Variants in EVI5 observed in about 807,000 individuals in gnomAD.
EVI5 encodes the protein ecotropic viral integration site 5.
A neutral mutation model predicts 112.0 loss-of-function variants in EVI5; 73 were observed. The observed-to-expected ratio is 0.65, with a 90% CI of 0.54 to 0.79. EVI5 has a LOEUF of 0.79. Among genes scored for constraint, EVI5 ranks in the 30% least tolerant of loss-of-function variants. The probability of loss-of-function intolerance (pLI) is 0.00; values close to 1 mark genes in which losing one functional copy is unlikely to be tolerated. For missense variants in EVI5, 900 were observed against 968.8 expected, an observed-to-expected ratio of 0.93 and a Z score of 0.94; for synonymous variants, 305 against 319.9, an observed-to-expected ratio of 0.95 and a Z score of 0.50.
chr1:92,754,858 C>T (rs745968823), intron 1 of EVI5, among the ~76,000 whole-genome samples: 8 of 152,170 alleles, frequency 5.3e-5, no homozygotes, highest in Non-Finnish European at 5.9e-5. Context: ...AGACCACTGA[C>T]AGCCATCCTG....
At chr1:92,537,130 A>G (rs1184089180) in intron 19 of EVI5, among the ~76,000 whole-genome samples, 1 of 152,172 alleles carries the variant, frequency 6.6e-6, no homozygotes, top group Non-Finnish European at 1.5e-5. Context: ...AAAGTGGAAA[A>G]AAGTCATCCA....
intron 14 of EVI5, among the ~76,000 whole-genome samples, chr1:92,630,147 T>C (rs558529819): frequency 2.6e-4 from 39 of 152,344 alleles, no homozygotes; most frequent in African/African-American, 8.4e-4. Context: ...TGTGTCCTTA[T>C]AGCAGCATGA....
At chr1:92,753,815 T>C (rs77505969) in intron 1 of EVI5, among the ~76,000 whole-genome samples, 2,667 of 152,286 alleles carry the variant, frequency 0.018, 82 homozygotes, top group African/African-American at 0.06. Flanking sequence ...CCATAATCTA[T>C]AAAAACAATC....
chr1:92,717,936 C>T (rs541497625), intron 2 of EVI5, among the ~76,000 whole-genome samples: 1 of 151,574 alleles, frequency 6.6e-6, no homozygotes, highest in East Asian at 1.9e-4. Flanking sequence ...CAACAAAGAT[C>T]AAAAGAGACA....
chr1:92,586,606 CTGTG>C (rs61310991), intron 18 of EVI5, among the ~76,000 whole-genome samples: 8,438 of 72,642 alleles, frequency 0.12, 472 homozygotes, highest in African/African-American at 0.19. Flanking sequence ...TTTTTTTTGG[CTGTG>C]TGTGTGTGTG....
At chr1:92,751,827 C>G (rs1032650656) in intron 1 of EVI5, among the ~76,000 whole-genome samples, 1 of 152,024 alleles carries the variant, frequency 6.6e-6, no homozygotes, top group Non-Finnish European at 1.5e-5. Context: ...GCCTAGGCAA[C>G]ATGGTGAAAC....
intron 1 of EVI5, among the ~76,000 whole-genome samples, chr1:92,765,275 G>T (rs1420595873): frequency 1.6e-5 from 2 of 122,062 alleles, no homozygotes; most frequent in African/African-American, 6.3e-5. Context: ...GGCTGGTCTT[G>T]AACTCCTAGG....
intron 2 of EVI5, among the ~76,000 whole-genome samples, chr1:92,721,847 A>G (rs1674803267): frequency 1.3e-5 from 2 of 152,200 alleles, no homozygotes; most frequent in Admixed American, 1.3e-4. Context: ...TTAGTTGCAC[A>G]GTAATTACTG....
intron 19 of EVI5, among the ~76,000 whole-genome samples, chr1:92,533,860 A>C (rs185800186): frequency 3.8e-4 from 58 of 152,352 alleles, no homozygotes; most frequent in African/African-American, 1.3e-3. Context: ...TTCCCTTTGA[A>C]AACTGGCACA....
intron 2 of EVI5, among the ~76,000 whole-genome samples, 170 bp from the exon 3 acceptor site, chr1:92,704,914 TA>T (rs1195125994): frequency 3.3e-5 from 5 of 152,158 alleles, no homozygotes; most frequent in Non-Finnish European, 7.4e-5. Flanking sequence ...ATTACTGCTA[TA>T]TTTTTTTCAC....
chr1:92,743,875 T>C (rs1333235619), intron 1 of EVI5, among the ~76,000 whole-genome samples: 1 of 152,188 alleles, frequency 6.6e-6, no homozygotes, highest in South Asian at 2.1e-4. Context: ...ATTTTTATTA[T>C]TTATTTTATT....
intron 19 of EVI5, among the ~76,000 whole-genome samples, chr1:92,524,872 C>A (rs1571309818): frequency 6.7e-6 from 1 of 148,736 alleles, no homozygotes. Context: ...GTGTTCCAGG[C>A]TGGAGTGCAG....
chr1:92,625,800 G>A lies in EVI5; in HGVS notation c.1662C>T (p.His554=). The change falls in exon 15 of 20, where the codon CAC becomes CAT. Residue 554 remains histidine (H), a synonymous_variant. Coordinates refer to ENST00000684568, the MANE Select transcript of EVI5 (RefSeq NM_001350197.2). The stretch of plus-strand genomic sequence containing the variant: ...ACAAAATATATTAATATACCTGCCA[G>A]TGTTCCTCTAAATCCTTGACTTGCT... ...LRQQVKDLEE[H]WQRHLARTTG... is the part of the protein sequence containing the mutation. 1 of 1,611,712 alleles carries A rather than the reference G, an allele frequency of 6.2e-7. No individual in the cohort carries two copies. The highest frequency in any genetic ancestry group is 1.1e-5 in the South Asian group (1 of 90,774).
chr1:92,630,569 C>A (rs1348331874), intron 14 of EVI5, among the ~76,000 whole-genome samples: 1 of 148,214 alleles, frequency 6.7e-6, no homozygotes, highest in African/African-American at 2.4e-5. Flanking sequence ...TGGATATTAG[C>A]CCTTCGTCAG....
intron 19 of EVI5, among the ~76,000 whole-genome samples, chr1:92,533,975 A>G (rs1663354731): frequency 6.6e-6 from 1 of 152,226 alleles, no homozygotes; most frequent in Admixed American, 6.5e-5. Flanking sequence ...AATTAGTCAG[A>G]GAAGAAGTAA....
intron 19 of EVI5, among the ~76,000 whole-genome samples, chr1:92,516,051 G>A (rs1484739961): frequency 6.6e-6 from 1 of 152,094 alleles, no homozygotes; most frequent in Admixed American, 6.6e-5. Flanking sequence ...CACCACAAAG[G>A]CCTCCTCAAG....
intron 1 of EVI5, chr1:92,784,292 T>C (rs1685301818): frequency 1.0e-6 from 1 of 985,100 alleles, no homozygotes; most frequent in Non-Finnish European, 1.2e-6. Context: ...GCCCCACTAG[T>C]CATAAGGTGA....
At chr1:92,573,435 ATTATT>A (rs1422229379) in intron 18 of EVI5, among the ~76,000 whole-genome samples, 3 of 152,162 alleles carry the variant, frequency 2.0e-5, no homozygotes, top group South Asian at 2.1e-4. Context: ...GATCTCAAAT[ATTATT>A]TTATAAGTTT....
chr1:92,768,866 C>T (rs1683010726), intron 1 of EVI5, among the ~76,000 whole-genome samples: 1 of 152,180 alleles, frequency 6.6e-6, no homozygotes, highest in Non-Finnish European at 1.5e-5. Context: ...CCGGGCAAGA[C>T]CCTGTCTCAA....
Sources: allele counts gnomAD v4.1 joint callset (sites outside exome capture counted in the v4.1 genomes callset), GRCh38; gene constraint gnomAD v4.1.1; transcripts MANE v1.5; gene names NCBI Gene and HGNC (gene_info 2026-07-23, HGNC 2026-07-21).